ALLC: variants seen among roughly 807,000 people sequenced by gnomAD.
ALLC encodes the protein probable inactive allantoicase.
ALLC carries 40 observed loss-of-function variants against 45.0 expected under a neutral mutation model. The observed-to-expected ratio is 0.89, with a 90% CI of 0.69 to 1.16. The LOEUF is 1.16. Ranked by LOEUF, ALLC falls within the 50% of genes most tolerant of loss-of-function variation. The pLI is 0.00. For missense variants in ALLC, 488 were observed against 493.1 expected (o/e 0.99, Z 0.10); for synonymous variants, 176 against 178.1 (o/e 0.99, Z 0.09).
chr2:3,697,621 GTCTATCTATCTATCTATCTA>G (rs201211524), intron 10 of ALLC, among the ~76,000 whole-genome samples, 165 bp downstream of exon 10: 11 of 125,442 alleles, frequency 8.8e-5, no homozygotes, highest in South Asian at 2.7e-4. Context: ...CTGTCTGTCT[GTCTATCTATCTATCTATCTA>G]TCTATCTATC....
chr2:3,672,503 C>T lies in ALLC; in HGVS notation c.33+1313C>T, dbSNP rs1250827014. 4.4e-5 allele frequency among the ~76,000 whole-genome samples: 6 copies of T among 136,186 alleles called. 1 individual carries two copies. Among genetic ancestry groups the T allele is most frequent in the African/African-American group, 1.7e-4 (6 of 34,630 alleles). The allele number at this position is 136,186 out of a possible 152,430, so 89.3% of individuals were successfully genotyped here. ...TAGTTAGATCGGAGGTCCTCTGGCT[C>T]TGGTTAGATGGGAGGTCCTCTGGGT... On this transcript the variant is annotated intron_variant, in intron 2 of 11. Transcript: ENST00000252505.
intron 7 of ALLC, among the ~76,000 whole-genome samples, chr2:3,686,931 TC>T (rs922159656): frequency 2.0e-5 from 3 of 151,042 alleles, no homozygotes; most frequent in African/African-American, 7.3e-5. Flanking sequence ...GCCATTTATT[TC>T]TCTTGCATAA....
intron 1 of ALLC, among the ~76,000 whole-genome samples, chr2:3,659,653 T>G (rs1572501520): frequency 6.6e-6 from 1 of 152,164 alleles, no homozygotes; most frequent in Admixed American, 6.5e-5. Context: ...GGCTATTTTA[T>G]CAACAGAAAC....
intron 1 of ALLC, among the ~76,000 whole-genome samples, chr2:3,663,367 A>G (rs554446317): frequency 1.3e-5 from 2 of 152,352 alleles, no homozygotes; most frequent in Admixed American, 6.5e-5. Context: ...TGGGAGCTGA[A>G]CAGGGAGAAC....
Position 3,671,114 on chromosome 2 carries a change from C to T in ALLC, c.-44C>T, listed in dbSNP as rs745662430. 27 of 1,600,570 alleles carry T rather than the reference C, an allele frequency of 1.7e-5. No homozygotes were observed. Among genetic ancestry groups the T allele is most frequent in the African/African-American group, 4.0e-5 (3 of 74,710 alleles). ...CTTCCAGGAAGCACGGCTGATGCTC[C>T]GAAGGAGGGAAGACTGACCCGGTTT... On this transcript the variant is annotated 5_prime_UTR_variant, in exon 2 of 12. An upstream open reading frame in the 5' UTR gains an earlier in-frame stop. Coordinates refer to ENST00000252505, the MANE Select transcript of ALLC (RefSeq NM_018436.4).
chr2:3,672,725 A>AGTCCTCTGGCTCTGGTTAGATAGGAG (rs1558537707), intron 2 of ALLC, among the ~76,000 whole-genome samples: 1 of 70,226 alleles, frequency 1.4e-5, no homozygotes, highest in African/African-American at 5.7e-5. Flanking sequence ...TTAGATCGGA[A>AGTCCTCTGGCTCTGGTTAGATAGGAG]GTCCTCTGGC....
intron 9 of ALLC, among the ~76,000 whole-genome samples, chr2:3,696,988 G>A (rs150420540): frequency 1.5e-3 from 225 of 152,222 alleles, no homozygotes; most frequent in African/African-American, 5.3e-3. Flanking sequence ...TATCAGTATA[G>A]GTTTGACCAA....
At chr2:3,651,443 T>TGTGTGTA in the ALLC span, among the ~76,000 whole-genome samples, 2 of 16,808 alleles carry the variant, frequency 1.2e-4, no homozygotes, top group Non-Finnish European at 3.1e-4. Flanking sequence ...GTGTGTGTGT[T>TGTGTGTA]AGGAAGGGAG....
the ALLC span, among the ~76,000 whole-genome samples, chr2:3,652,830 G>A: frequency 2.6e-5 from 4 of 152,226 alleles, no homozygotes; most frequent in South Asian, 8.3e-4. Context: ...AATCAGCCTG[G>A]CTCAGCATCC....
chr2:3,701,345 A>T (rs1210974482), intron 10 of ALLC, among the ~76,000 whole-genome samples, 167 bp from the exon 11 acceptor site: 1 of 152,112 alleles, frequency 6.6e-6, no homozygotes, highest in African/African-American at 2.4e-5. Flanking sequence ...AGCCTCACAA[A>T]CCGGTTTGTT....
intron 10 of ALLC, among the ~76,000 whole-genome samples, chr2:3,699,668 T>C (rs1222303419): frequency 6.6e-6 from 1 of 152,200 alleles, no homozygotes; most frequent in Non-Finnish European, 1.5e-5. Flanking sequence ...ACAACTGTTA[T>C]TTTTTGATTT....
chr2:3,686,940 T>A (rs1667346923), intron 7 of ALLC, among the ~76,000 whole-genome samples: 1 of 151,062 alleles, frequency 6.6e-6, no homozygotes, highest in Non-Finnish European at 1.5e-5. Flanking sequence ...TTCTCTTGCA[T>A]AATTGCTCCA....
chr2:3,663,766 G>T (rs1287048118), intron 1 of ALLC, among the ~76,000 whole-genome samples: 2 of 152,166 alleles, frequency 1.3e-5, no homozygotes, highest in Non-Finnish European at 2.9e-5. Context: ...TCATTAATAA[G>T]AAAGGATATT....
chr2:3,667,834 G>A (rs1254717041), intron 1 of ALLC, among the ~76,000 whole-genome samples: 1 of 152,262 alleles, frequency 6.6e-6, no homozygotes, highest in East Asian at 1.9e-4. Context: ...GCACAATCTC[G>A]GCTCACCGCA....
intron 10 of ALLC, among the ~76,000 whole-genome samples, chr2:3,697,922 C>T (rs1189761289): frequency 1.3e-5 from 2 of 151,536 alleles, no homozygotes; most frequent in South Asian, 2.1e-4. Flanking sequence ...GTCGCAGCCT[C>T]CCAAAGTGCT....
intron 1 of ALLC, among the ~76,000 whole-genome samples, chr2:3,669,976 C>T (rs1447901575): frequency 6.6e-6 from 1 of 152,130 alleles, no homozygotes; most frequent in African/African-American, 2.4e-5. Context: ...ATCTTAGGAG[C>T]AATGACTCTG....
At chr2:3,677,408 T>G (rs1005477781) in intron 3 of ALLC, among the ~76,000 whole-genome samples, 5 of 152,058 alleles carry the variant, frequency 3.3e-5, no homozygotes, top group African/African-American at 1.2e-4. Flanking sequence ...AAGGCTGGAG[T>G]GTGTGCTGTC....
rs771851747 is a variant in ALLC at position 3,697,461 on chromosome 2, A to G, written c.850+5A>G. Reference sequence around the variant, plus strand: ...TTGACACAAAATATTTTGAAGGTAAATGCAAAGCCATAAAGAAGTACCCTA... The same window carrying G: ...TTGACACAAAATATTTTGAAGGTAAGTGCAAAGCCATAAAGAAGTACCCTA... On this transcript the variant is annotated splice_donor_5th_base_variant and intron_variant, in intron 10 of 11. Transcript: ENST00000252505. 1.9e-6 allele frequency: 3 copies of G among 1,608,502 alleles called. No individual in the cohort carries two copies. The Admixed American group carries it at 5.0e-5, about 27-fold the overall frequency.
At chr2:3,651,297 T>TGGGGGG in the ALLC span, among the ~76,000 whole-genome samples, 1 of 1,718 alleles carries the variant, frequency 5.8e-4, no homozygotes, top group Admixed American at 4.9e-3. Flanking sequence ...GAATTCTTTT[T>TGGGGGG]GGGTGGGTGG....
Sources: gnomAD v4.1 joint callset for allele counts (sites outside exome capture counted in the v4.1 genomes callset) on GRCh38, gnomAD v4.1.1 for gene constraint, MANE v1.5 for transcripts, NCBI Gene and HGNC (gene_info 2026-07-23, HGNC 2026-07-21) for gene names.